Variants in IFIT1B observed in about 807,000 individuals in gnomAD.
IFIT1B encodes interferon induced protein with tetratricopeptide repeats 1B.
A neutral mutation model predicts 2.5 loss-of-function variants in IFIT1B; 3 were observed. The observed-to-expected ratio is 1.21, with a 90% CI of 0.55 to 3.14. The LOEUF (loss-of-function observed/expected upper bound fraction) is 3.14, where lower values mean the gene tolerates loss of function less well. IFIT1B is among the 30% of genes most tolerant of loss of function. The probability of loss-of-function intolerance (pLI) is 0.03; values close to 1 mark genes in which losing one functional copy is unlikely to be tolerated. For synonymous variants in IFIT1B, 196 were observed against 203.0 expected, an observed-to-expected ratio of 0.97 and a Z score of 0.29; for missense variants, 545 against 556.5, an observed-to-expected ratio of 0.98 and a Z score of 0.21.
chr10:89,383,771 G>A lies in IFIT1B; in HGVS notation c.458G>A (p.Gly153Asp). Residue 153 changes from glycine (G) to aspartate (D), a missense_variant, in exon 2 of 2, where the codon GGT becomes GAT. Coordinates refer to ENST00000371809, the MANE Select transcript of IFIT1B (RefSeq NM_001010987.2). ...CEEGWALAKC[G>D]GKNYERAKTC... ...GAAGGATGGGCCTTGGCGAAGTGTGGTGGAAAGAATTATGAACGGGCCAAG... is the reference window on the plus strand; with the variant it reads ...GAAGGATGGGCCTTGGCGAAGTGTGATGGAAAGAATTATGAACGGGCCAAG... 1 of 1,614,188 alleles carries A rather than the reference G, an allele frequency of 6.2e-7. No individual in the cohort carries two copies. Among genetic ancestry groups the A allele is most frequent in the Non-Finnish European group, 8.5e-7 (1 of 1,180,038 alleles).
At position 89,384,823 on chromosome 10, in the gene IFIT1B, G is replaced by A; in HGVS notation, c.*85G>A. The A allele has an allele frequency of 8.1e-7, 1 of 1,235,616 alleles. No individual in the cohort carries two copies. The highest frequency in any genetic ancestry group is 1.5e-5 in the South Asian group (1 of 66,728). 76.5% of individuals were successfully genotyped at this position (1,235,616 alleles called of 1,614,324 possible). ...TAAATAATGCAAACTTAAAGCTGTT[G>A]GAAATTTACCTTATTTTGAGCCTTG... is the stretch of plus-strand genomic sequence containing the variant. On this transcript the variant is annotated 3_prime_UTR_variant, in exon 2 of 2. Transcript: ENST00000371809.
Position 89,384,954 on chromosome 10 carries a change from C to T in IFIT1B, c.*216C>T, listed in dbSNP as rs79156628. On this transcript the variant is annotated 3_prime_UTR_variant, in exon 2 of 2. Transcript: ENST00000371809. ...CCTTGTGGCACCAGACATAAGACCC[C>T]CTGAAAGTATCATCCCTCCTGATGG... is the stretch of plus-strand genomic sequence containing the variant. 8,627 of 519,948 alleles carry T rather than the reference C, an allele frequency of 0.017. 554 individuals are homozygous for T. The highest frequency in any genetic ancestry group is 0.14 in the African/African-American group (7,394 of 52,720). The allele number at this position is 519,948 out of a possible 1,614,324, so 32.2% of individuals were successfully genotyped here.
chr10:89,382,981 C>T (rs1480222670), intron 1 of IFIT1B, among the ~76,000 whole-genome samples: 2 of 152,238 alleles, frequency 1.3e-5, no homozygotes, highest in African/African-American at 4.8e-5. Context: ...TAGTCATGGA[C>T]TGCAAAGTCA....
rs1396852050 is a variant in IFIT1B, at chr10:89,383,964, A to G, written c.651A>G (p.Val217=). 6.2e-7 allele frequency: 1 copy of G among 1,614,220 alleles called. No homozygotes were observed. The highest frequency in any genetic ancestry group is 8.5e-7 in the Non-Finnish European group (1 of 1,180,040). ...CTGTCAGGCTAAATCCAGATGATGT[A>G]TATATTAGGGTTCTCCTTGCCCTGA... is the stretch of plus-strand genomic sequence containing the variant. ...KRAVRLNPDD[V]YIRVLLALKL... Residue 217 remains valine, a synonymous_variant, in exon 2 of 2, where the codon GTA becomes GTG. Transcript: ENST00000371809.
intron 1 of IFIT1B, 114 bp from the exon 2 acceptor site, chr10:89,383,205 A>T: frequency 1.1e-6 from 1 of 913,036 alleles, no homozygotes; most frequent in Non-Finnish European, 1.7e-6. Context: ...GGCACCAGAT[A>T]ATGGAGGCAG....
At position 89,384,314 on chromosome 10, in the gene IFIT1B, T is replaced by C; in HGVS notation, c.1001T>C (p.Met334Thr). 1 of 1,614,222 alleles carries C rather than the reference T, an allele frequency of 6.2e-7. No individual in the cohort carries two copies. Among genetic ancestry groups the C allele is most frequent in the South Asian group, 1.1e-5 (1 of 91,084 alleles). ...LAICKFEKTI[M>T]LKRTFEMAYV... ...ATATGCAAATTTGAAAAGACTATAA[T>C]GTTAAAGCGAACATTTGAGATGGCC... The change falls in exon 2 of 2, where the codon ATG becomes ACG. Residue 334 changes from methionine (M) to threonine (T), a missense_variant. Transcript: ENST00000371809.
chr10:89,381,762 C>T (rs1033747483), intron 1 of IFIT1B, among the ~76,000 whole-genome samples: 3 of 151,824 alleles, frequency 2.0e-5, no homozygotes, highest in African/African-American at 7.3e-5. Flanking sequence ...TCCTTTCTTC[C>T]TTTCTTTCCT....
Position 89,383,609 on chromosome 10 carries a change from G to A in IFIT1B, c.296G>A (p.Gly99Asp). ...QADIRSLVTW[G>D]NFAWVYYHMG... ...GATATTAGAAGTCTGGTGACCTGGGGCAACTTTGCCTGGGTGTATTACCAC... is the reference window on the plus strand; with the variant it reads ...GATATTAGAAGTCTGGTGACCTGGGACAACTTTGCCTGGGTGTATTACCAC... Residue 99 changes from glycine (G) to aspartate (D), a missense_variant, in exon 2 of 2, where the codon GGC becomes GAC. Coordinates refer to ENST00000371809, the MANE Select transcript of IFIT1B (RefSeq NM_001010987.2). 6.2e-7 allele frequency: 1 copy of A among 1,614,198 alleles called. No homozygotes were observed. Among genetic ancestry groups the A allele is most frequent in the South Asian group, 1.1e-5 (1 of 91,086 alleles).
In IFIT1B at chr10:89,378,122, A is replaced by C. The variant is rs779095105; in HGVS notation, c.-14A>C. The C allele has an allele frequency of 6.2e-6, 10 of 1,613,822 alleles. No homozygotes were observed. The Admixed American group carries it at 1.7e-4, about 27-fold the overall frequency. On this transcript the variant is annotated 5_prime_UTR_variant, in exon 1 of 2. Coordinates refer to ENST00000371809, the MANE Select transcript of IFIT1B (RefSeq NM_001010987.2). Reference sequence around the variant, plus strand: ...ACCAAAGCACTACAGATCACCTGCTATCTTCATAGCACCATGAGGTAAAGT... The same window carrying C: ...ACCAAAGCACTACAGATCACCTGCTCTCTTCATAGCACCATGAGGTAAAGT...
At position 89,384,109 on chromosome 10, in the gene IFIT1B, T is replaced by C. The variant is rs1195210960; in HGVS notation, c.796T>C (p.Ser266Pro). 2.5e-6 allele frequency: 4 copies of C among 1,613,966 alleles called. No homozygotes were observed. Among genetic ancestry groups the C allele is most frequent in the East Asian group, 2.2e-5 (1 of 44,892 alleles). The change falls in exon 2 of 2, where the codon TCT becomes CCT. Residue 266 changes from serine to proline, a missense_variant. By Grantham distance (74) the Ser-to-Pro change is moderately conservative (BLOSUM62 -1). Coordinates refer to ENST00000371809, the MANE Select transcript of IFIT1B (RefSeq NM_001010987.2). The part of the protein sequence containing the change: ...YAAKFYRRKG[S>P]VDKALELLKM... ...AGCCAAGTTTTATCGAAGAAAAGGG[T>C]CTGTGGATAAAGCTCTTGAGCTCTT... is the stretch of plus-strand genomic sequence containing the variant.
chr10:89,382,139 G>A (rs1365515288), intron 1 of IFIT1B, among the ~76,000 whole-genome samples: 2 of 151,884 alleles, frequency 1.3e-5, no homozygotes, highest in Non-Finnish European at 2.9e-5. Context: ...ATTAGATTAT[G>A]GTTATATTAT....
chr10:89,379,681 A>C (rs1373424259), intron 1 of IFIT1B, among the ~76,000 whole-genome samples: 2 of 152,140 alleles, frequency 1.3e-5, no homozygotes, highest in East Asian at 3.8e-4. Flanking sequence ...GGATTGCAAA[A>C]AAATTCACCA....
At position 89,384,349 on chromosome 10, in the gene IFIT1B, C is replaced by T; in HGVS notation, c.1036C>T (p.Leu346=). Residue 346 remains leucine (L), a synonymous_variant, in exon 2 of 2, where the codon CTG becomes TTG. Coordinates refer to ENST00000371809, the MANE Select transcript of IFIT1B (RefSeq NM_001010987.2). ...KRTFEMAYVD[L]AETYAEIGHH... Reference sequence around the variant, plus strand: ...AACATTTGAGATGGCCTATGTTGACCTGGCTGAAACGTATGCAGAAATAGG... The same window carrying T: ...AACATTTGAGATGGCCTATGTTGACTTGGCTGAAACGTATGCAGAAATAGG... The T allele has an allele frequency of 6.2e-7, 1 of 1,614,116 alleles. No individual in the cohort carries two copies. The highest frequency in any genetic ancestry group is 1.6e-4 in the Middle Eastern group (1 of 6,062).
chr10:89,379,966 C>T (rs936063540), intron 1 of IFIT1B, among the ~76,000 whole-genome samples: 4 of 150,210 alleles, frequency 2.7e-5, no homozygotes, highest in East Asian at 3.9e-4. Flanking sequence ...ACCTGGGAGG[C>T]GGAGCTTGAA....
At chr10:89,378,247 C>T (rs1844137032) in intron 1 of IFIT1B, 107 bp downstream of exon 1, 8 of 1,127,926 alleles carry the variant, frequency 7.1e-6, no homozygotes, top group Non-Finnish European at 9.4e-6. Context: ...GGGAGCTGTC[C>T]CACTGGTGGT....
At chr10:89,383,197 C>T (rs1844176170) in intron 1 of IFIT1B, 122 bp from the exon 2 acceptor site, 2 of 830,462 alleles carry the variant, frequency 2.4e-6, no homozygotes, top group African/African-American at 3.5e-5. Context: ...CCCAGAGGGG[C>T]ACCAGATAAT....
Sources: gnomAD v4.1 joint callset for allele counts (sites outside exome capture counted in the v4.1 genomes callset) on GRCh38, gnomAD v4.1.1 for gene constraint, MANE v1.5 for transcripts, NCBI Gene and HGNC (gene_info 2026-07-23, HGNC 2026-07-21) for gene names.